The following STAU1 variants were observed in gnomAD, a reference collection of about 807,000 sequenced individuals.
STAU1 encodes staufen double-stranded RNA binding protein 1, also known as double-stranded RNA-binding protein Staufen homolog 1.
A neutral mutation model predicts 62.9 loss-of-function variants in STAU1; 13 were observed. The ratio of observed to expected loss-of-function variants is 0.21; its 90% confidence interval spans 0.13 to 0.33. The LOEUF (loss-of-function observed/expected upper bound fraction) is 0.33. STAU1 is among the 10% of genes least tolerant of loss of function. The pLI, the probability that STAU1 is intolerant of heterozygous loss-of-function variation, is 1.00. For synonymous variants in STAU1, 269 were observed against 265.1 expected, an observed-to-expected ratio of 1.01 and a Z score of -0.14; for missense variants, 571 against 712.1, an observed-to-expected ratio of 0.80 and a Z score of 2.25.
Position 49,114,599 on chromosome 20 carries a change from G to GTATCATTA in STAU1, c.*278_*279insTAATGATA. 2.3e-6 allele frequency: 1 copy of GTATCATTA among 430,268 alleles called. No homozygotes were observed. The allele number at this position is 430,268 out of a possible 1,614,324, so 26.7% of individuals were successfully genotyped here. A position where few individuals can be genotyped will look rare whatever the true frequency, so the allele number is the denominator to read the frequency against. On this transcript the variant is annotated 3_prime_UTR_variant, in exon 14 of 14. Coordinates refer to ENST00000371856, the MANE Select transcript of STAU1 (RefSeq NM_017453.4). ...GTGTGGATCTGCTGGTGTCCCGGGAGAACCAGCTGGCTGGGCAGCCCTTCT... is the reference window on the plus strand; with the variant it reads ...GTGTGGATCTGCTGGTGTCCCGGGAGTATCATTAAACCAGCTGGCTGGGCAGCCCTTCT...
intron 5 of STAU1, among the ~76,000 whole-genome samples, chr20:49,149,924 C>A (rs1045419222): frequency 1.6e-4 from 25 of 152,342 alleles, no homozygotes; most frequent in African/African-American, 6.0e-4. Flanking sequence ...TCACATAGCC[C>A]ACTGTTCTGT....
At chr20:49,194,571 C>CTATGATCTTTCAAATTATTAT in the STAU1 span, among the ~76,000 whole-genome samples, 1 of 151,794 alleles carries the variant, frequency 6.6e-6, no homozygotes, top group Non-Finnish European at 1.5e-5. Flanking sequence ...CTGCAGAGAA[C>CTATGATCTTTCAAATTATTAT]TATTATTATT....
intron 3 of STAU1, among the ~76,000 whole-genome samples, chr20:49,155,356 C>T (rs1404058199): frequency 6.6e-6 from 1 of 152,208 alleles, no homozygotes; most frequent in African/African-American, 2.4e-5. Context: ...TCAAAATTAT[C>T]AACTTCAGAA....
Position 49,124,541 on chromosome 20 carries a change from T to C in STAU1, c.656A>G (p.Lys219Arg), listed in dbSNP as rs2092547038. ...CCCCACAAACTCCCCAACCGAAACCTTGGTCACAAAGTTCTTCATGTGGGG... is the reference window on the plus strand; with the variant it reads ...CCCCACAAACTCCCCAACCGAAACCCTGGTCACAAAGTTCTTCATGTGGGG... The part of the protein sequence containing the change: ...GPPHMKNFVT[K>R]VSVGEFVGEG... Residue 219 changes from lysine (K) to arginine (R), a missense_variant, in exon 7 of 14, where the codon AAG becomes AGG. Coordinates refer to ENST00000371856, the MANE Select transcript of STAU1 (RefSeq NM_017453.4). 2 of 1,613,904 alleles carry C rather than the reference T, an allele frequency of 1.2e-6. No homozygotes were observed. The highest frequency in any genetic ancestry group is 1.1e-5 in the South Asian group (1 of 91,086).
At position 49,167,293 on chromosome 20, in the gene STAU1, G is replaced by C. The variant is rs567375570; in HGVS notation, c.-84-1008C>G. On this transcript the variant is annotated intron_variant, in intron 2 of 13. Transcript: ENST00000371856. ...AAATAGCCAACCAATGCAGAAACCA[G>C]CAAACCAACTAATTAGAAGTTCTAT... Among the ~76,000 whole-genome samples the C allele has an allele frequency of 1.5e-3, 223 of 152,216 alleles. 1 individual carries two copies. The highest frequency in any genetic ancestry group is 5.1e-3 in the African/African-American group (212 of 41,556).
intron 13 of STAU1, 86 bp from the exon 14 acceptor site, chr20:49,114,979 C>T: frequency 2.1e-6 from 3 of 1,405,908 alleles, no homozygotes; most frequent in South Asian, 1.2e-5. Flanking sequence ...AATTGGCAAA[C>T]ATCAGGAAGT....
chr20:49,207,568 A>T, the STAU1 span, among the ~76,000 whole-genome samples: 5 of 151,966 alleles, frequency 3.3e-5, no homozygotes, highest in Admixed American at 2.0e-4. Context: ...TGGGTTGGAG[A>T]GCAGTGGTGT....
At chr20:49,153,175 G>A (rs960584294) in intron 4 of STAU1, among the ~76,000 whole-genome samples, 10 of 150,016 alleles carry the variant, frequency 6.7e-5, no homozygotes, top group South Asian at 4.3e-4. Flanking sequence ...GCATGAACCC[G>A]GGAGGCAGAG....
At chr20:49,215,833 C>T in the STAU1 span, among the ~76,000 whole-genome samples, 1 of 151,218 alleles carries the variant, frequency 6.6e-6, no homozygotes, top group South Asian at 2.1e-4. Flanking sequence ...ATGGTGAGAC[C>T]CCAGTTTCTT....
chr20:49,128,010 G>A (rs899713439), intron 6 of STAU1, among the ~76,000 whole-genome samples: 4 of 152,118 alleles, frequency 2.6e-5, no homozygotes, highest in African/African-American at 7.2e-5. Context: ...TTACCTGGGC[G>A]TGGTAGCGCA....
At chr20:49,116,496 G>C (rs2092327303) in intron 12 of STAU1, among the ~76,000 whole-genome samples, 1 of 151,804 alleles carries the variant, frequency 6.6e-6, no homozygotes, top group South Asian at 2.1e-4. Context: ...CACCACACCT[G>C]GCTAATTTTT....
intron 5 of STAU1, among the ~76,000 whole-genome samples, chr20:49,147,021 C>A (rs6066982): frequency 0.38 from 57,656 of 151,882 alleles, 11,067 homozygotes; most frequent in Middle Eastern, 0.5. Flanking sequence ...AAACAAATAA[C>A]CCATGCACTT....
At chr20:49,189,418 T>C (rs1012171947), upstream of STAU1, among the ~76,000 whole-genome samples, 1 of 151,060 alleles carries the variant, frequency 6.6e-6, no homozygotes, top group African/African-American at 2.4e-5. Context: ...GCGGATCACC[T>C]GAGGTCAGGA....
At chr20:49,156,680 GA>G (rs1397236100) in intron 3 of STAU1, among the ~76,000 whole-genome samples, 1 of 152,140 alleles carries the variant, frequency 6.6e-6, no homozygotes, top group Non-Finnish European at 1.5e-5. Context: ...TCCTAGAAAT[GA>G]AAAGTGTGAG....
intron 1 of STAU1, among the ~76,000 whole-genome samples, chr20:49,175,295 C>T (rs1274846853): frequency 6.6e-6 from 1 of 151,982 alleles, no homozygotes; most frequent in Non-Finnish European, 1.5e-5. Flanking sequence ...CGCACCACTG[C>T]CCTCCAGCCT....
chr20:49,177,407 G>A (rs188485058), intron 1 of STAU1, among the ~76,000 whole-genome samples: 2 of 152,232 alleles, frequency 1.3e-5, no homozygotes, highest in Non-Finnish European at 2.9e-5. Context: ...GGCCGGGCAT[G>A]TGGACTCACG....
At chr20:49,144,326 C>G (rs1188298702) in intron 5 of STAU1, among the ~76,000 whole-genome samples, 4 of 151,302 alleles carry the variant, frequency 2.6e-5, no homozygotes, top group Non-Finnish European at 5.9e-5. Context: ...GGGAGAGGTT[C>G]TTGTCGAAAA....
At position 49,117,493 on chromosome 20, in the gene STAU1, G is replaced by C. The variant is rs2092356294; in HGVS notation, c.1510-245C>G. 6.6e-6 allele frequency among the ~76,000 whole-genome samples: 1 copy of C among 152,210 alleles called. No homozygotes were observed. The highest frequency in any genetic ancestry group is 2.4e-5 in the African/African-American group (1 of 41,448). ...CAGACAGAAAGTGTCAGCACGATGA[G>C]TCTGTTCTTTGAAATCCAAATTTAC... On this transcript the variant is annotated intron_variant, in intron 11 of 13. Coordinates refer to ENST00000371856, the MANE Select transcript of STAU1 (RefSeq NM_017453.4). This position sits in a 1 kb window ranked among gnomAD's most constrained non-coding sequence, Gnocchi z 4.6.
chr20:49,153,402 T>TA (rs34795501), intron 4 of STAU1, among the ~76,000 whole-genome samples: 52,975 of 129,712 alleles, frequency 0.41, 9,956 homozygotes, highest in Middle Eastern at 0.56. Flanking sequence ...CTCAATGAAT[T>TA]AAAAAAAAAA....
Sources: allele counts gnomAD v4.1 joint callset (sites outside exome capture counted in the v4.1 genomes callset), GRCh38; gene constraint gnomAD v4.1.1; non-coding constraint Gnocchi (gnomAD v3.1); transcripts MANE v1.5; gene names NCBI Gene and HGNC (gene_info 2026-07-23, HGNC 2026-07-21).